Variants in EDRF1 observed in about 807,000 individuals in gnomAD.
The protein encoded by EDRF1 is erythroid differentiation regulatory factor 1.
In EDRF1, 69 loss-of-function variants were observed where a neutral mutation model predicts 148.7. The ratio of observed to expected loss-of-function variants is 0.46; its 90% CI spans 0.38 to 0.57. EDRF1 has a LOEUF of 0.57. Ranked by LOEUF, EDRF1 falls within the 20% of genes least tolerant of loss-of-function variation. The probability of loss-of-function intolerance (pLI) is 0.00; values close to 1 mark genes in which losing one functional copy is unlikely to be tolerated. For missense variants in EDRF1, 1,118 were observed against 1,478.7 expected, an observed-to-expected ratio of 0.76 and a Z score of 4.00; for synonymous variants, 515 against 532.8, an observed-to-expected ratio of 0.97 and a Z score of 0.46.
At chr10:125,756,176 C>T (rs1320177005) in intron 24 of EDRF1, among the ~76,000 whole-genome samples, 2 of 152,104 alleles carry the variant, frequency 1.3e-5, no homozygotes, top group Non-Finnish European at 2.9e-5. Flanking sequence ...TATTTGATAT[C>T]CTGAGACTTC....
chr10:125,745,024 A>G (rs1031700318), intron 18 of EDRF1: 3 of 153,846 alleles, frequency 1.9e-5, no homozygotes, highest in African/African-American at 7.2e-5. Context: ...AAGCACAGCA[A>G]TATTGTAACA....
rs565173559 is a variant in EDRF1 at position 125,723,886 on chromosome 10, C to G, written c.460C>G (p.Leu154Val). The change falls in exon 4 of 25, where the codon CTC (leucine) becomes GTC (valine). Residue 154 changes from leucine (L) to valine (V), a missense_variant. Around this residue, in one of 3 missense-constraint regions of EDRF1, gnomAD observed 99 missense variants for 186.9 expected, o/e 0.53. Transcript: ENST00000356792. Reference protein sequence around the residue: ...SMAVHRIGRTLLLDELDIQEL... With the variant: ...SMAVHRIGRTVLLDELDIQEL... ...GGCAGTACACCGCATAGGAAGGACT[C>G]TCTTACTAGATGAGCTAGATATTCA... 1.9e-6 allele frequency: 3 copies of G among 1,613,666 alleles called. No homozygotes were observed. The highest frequency in any genetic ancestry group is 2.7e-5 in the African/African-American group (2 of 75,006).
At chr10:125,762,468 G>A (rs1220419290) in intron 24 of EDRF1, among the ~76,000 whole-genome samples, 1 of 151,228 alleles carries the variant, frequency 6.6e-6, no homozygotes, top group African/African-American at 2.4e-5. Flanking sequence ...TGTGAGCCAG[G>A]GGTCTCCACC....
At chr10:125,749,225 G>A in intron 21 of EDRF1, 187 bp from the exon 22 acceptor site, 2 of 622,212 alleles carry the variant, frequency 3.2e-6, no homozygotes, top group Non-Finnish European at 2.8e-6. Context: ...TCCAGCCTGG[G>A]CGACAGAGCG....
Position 125,738,327 on chromosome 10 carries a change from A to G in EDRF1, c.1863A>G (p.Lys621=). The change falls in exon 15 of 25, where the codon AAA becomes AAG. Residue 621 remains lysine (K), a synonymous_variant. Coordinates refer to ENST00000356792, the MANE Select transcript of EDRF1 (RefSeq NM_001202438.2). ...GLKSVDSSIK[K]ESDLPAADPS... is the part of the protein sequence containing the mutation. Reference sequence around the variant, plus strand: ...AATCTGTCGATAGCAGCATCAAAAAAGAAAGCGACCTTCCAGCAGCTGACC... The same window carrying G: ...AATCTGTCGATAGCAGCATCAAAAAGGAAAGCGACCTTCCAGCAGCTGACC... 1 of 1,614,132 alleles carries G rather than the reference A, an allele frequency of 6.2e-7. No homozygotes were observed. Among genetic ancestry groups the G allele is most frequent in the South Asian group, 1.1e-5 (1 of 91,086 alleles).
chr10:125,734,261 C>G (rs912169779), intron 12 of EDRF1, 78 bp downstream of exon 12: 108 of 1,104,840 alleles, frequency 9.8e-5, no homozygotes, highest in Admixed American at 8.6e-5. Context: ...AGTAAAGCCT[C>G]CTGATTCATA....
At chr10:125,726,482 G>A (rs1337486511) in intron 6 of EDRF1, among the ~76,000 whole-genome samples, 1 of 152,052 alleles carries the variant, frequency 6.6e-6, no homozygotes, top group African/African-American at 2.4e-5. Flanking sequence ...ATCTATCAAA[G>A]AATAAAATAA....
At chr10:125,749,354 A>T in intron 21 of EDRF1, 58 bp from the exon 22 acceptor site, 1 of 1,604,138 alleles carries the variant, frequency 6.2e-7, no homozygotes, top group Non-Finnish European at 8.5e-7. Flanking sequence ...AGAAGCACTT[A>T]GTGAAGCCTG....
intron 15 of EDRF1, among the ~76,000 whole-genome samples, chr10:125,739,511 C>T (rs941284835): frequency 6.6e-6 from 1 of 152,206 alleles, no homozygotes; most frequent in Non-Finnish European, 1.5e-5. Context: ...TTTACACACA[C>T]ATGCACACAC....
In EDRF1 at chr10:125,737,951, G is replaced by C; in HGVS notation, c.1792G>C (p.Glu598Gln). 6.2e-7 allele frequency: 1 copy of C among 1,613,992 alleles called. No individual in the cohort carries two copies. The highest frequency in any genetic ancestry group is 8.5e-7 in the Non-Finnish European group (1 of 1,179,920). The change falls in exon 14 of 25, where the codon GAA becomes CAA. Residue 598 changes from glutamate to glutamine, a missense_variant. Physicochemically the swap from Glu to Gln is conservative, Grantham distance 29. Around this residue, in one of 3 missense-constraint regions of EDRF1, gnomAD observed 954 missense variants for 1,241.4 expected, o/e 0.77. Coordinates refer to ENST00000356792, the MANE Select transcript of EDRF1 (RefSeq NM_001202438.2). ...TGCATTTCCAGTTTGCCATGACACA[G>C]AAGAGCGCTGTAGACTTGTGCTTAG... ...SCAFPVCHDT[E>Q]ERCRLVLSYV... is the part of the protein sequence containing the mutation.
Position 125,738,082 on chromosome 10 carries a change from A to G in EDRF1, c.1830+93A>G. On this transcript the variant is annotated intron_variant, in intron 14 of 24. Coordinates refer to ENST00000356792, the MANE Select transcript of EDRF1 (RefSeq NM_001202438.2). ...TGTTGGTATCTAAATGTTATTCTGA[A>G]TTGTGTTCTGCTGCGATTTTTTTTT... is the stretch of plus-strand genomic sequence containing the variant. 2.1e-6 allele frequency: 3 copies of G among 1,414,356 alleles called. No individual in the cohort carries two copies. In the South Asian group the frequency reaches 3.5e-5, roughly 16 times the overall value. 87.6% of individuals were successfully genotyped at this position (1,414,356 alleles called of 1,614,324 possible). A position where few individuals can be genotyped will look rare whatever the true frequency, so the allele number is the denominator to read the frequency against.
intron 17 of EDRF1, chr10:125,742,423 C>T (rs1849075988): frequency 9.1e-7 from 1 of 1,104,090 alleles, no homozygotes; most frequent in Admixed American, 4.5e-5. Flanking sequence ...ATGTTTGCCT[C>T]CCAGAGTTTT....
rs1848992800 is a variant in EDRF1, at chr10:125,741,025, A to G, written c.2195A>G (p.Asn732Ser). ...GATACTTATTGCTGCCTCTGCACCA[A>G]TATGCTTTCCGAAGTGCTGTTGTTT... is the stretch of plus-strand genomic sequence containing the variant. ...SHDTYCCLCTNMLSEVLLFLS... is the reference protein window; with the variant it reads ...SHDTYCCLCTSMLSEVLLFLS... Residue 732 changes from asparagine (N) to serine (S), a missense_variant, in exon 17 of 25, where the codon AAT (asparagine) becomes AGT (serine). Transcript: ENST00000356792. 1.2e-6 allele frequency: 2 copies of G among 1,613,918 alleles called. No individual in the cohort carries two copies. Among genetic ancestry groups the G allele is most frequent in the African/African-American group, 1.3e-5 (1 of 74,886 alleles).
Position 125,733,542 on chromosome 10 carries a change from C to T in EDRF1, c.1267C>T (p.Leu423Phe). Residue 423 changes from leucine to phenylalanine, a missense_variant, in exon 10 of 25, where the codon CTC becomes TTC. Transcript: ENST00000356792. Reference sequence around the variant, plus strand: ...TACCAAAGAAGGACATACCTATTGGCTCTTTAAAGGTAAGCTATTAATACT... The same window carrying T: ...TACCAAAGAAGGACATACCTATTGGTTCTTTAAAGGTAAGCTATTAATACT... ...NCTKEGHTYW[L>F]FKASGSDIVK... The T allele has an allele frequency of 6.2e-7, 1 of 1,601,778 alleles. No homozygotes were observed. The highest frequency in any genetic ancestry group is 8.6e-7 in the Non-Finnish European group (1 of 1,169,044).
chr10:125,733,840 T>C (rs1218959833), intron 11 of EDRF1, 97 bp downstream of exon 11: 2 of 1,204,770 alleles, frequency 1.7e-6, no homozygotes, highest in African/African-American at 3.0e-5. Context: ...TTAAATGCTT[T>C]TAGGTTTTCA....
chr10:125,755,714 G>A (rs918955181), intron 24 of EDRF1, among the ~76,000 whole-genome samples: 12 of 152,140 alleles, frequency 7.9e-5, no homozygotes, highest in African/African-American at 2.7e-4. Context: ...TTGAATAAAC[G>A]AGGGTCCATC....
intron 6 of EDRF1, among the ~76,000 whole-genome samples, chr10:125,728,324 T>A (rs915574749): frequency 3.3e-5 from 5 of 152,218 alleles, no homozygotes; most frequent in Middle Eastern, 3.2e-3. Flanking sequence ...TTATTATATA[T>A]TTATTGTTTT....
chr10:125,721,519 CT>C, intron 2 of EDRF1, 107 bp downstream of exon 2: 2 of 1,060,976 alleles, frequency 1.9e-6, no homozygotes, highest in South Asian at 1.4e-5. Flanking sequence ...CGAGATTTCT[CT>C]TTAGAGAAAG....
Position 125,749,536 on chromosome 10 carries a change from G to C in EDRF1, c.3248G>C (p.Arg1083Thr). 1 of 1,614,136 alleles carries C rather than the reference G, an allele frequency of 6.2e-7. No individual in the cohort carries two copies. Among genetic ancestry groups the C allele is most frequent in the Non-Finnish European group, 8.5e-7 (1 of 1,180,028 alleles). ...PCELLRVQLERVAFAEFQMTS... is the reference protein window; with the variant it reads ...PCELLRVQLETVAFAEFQMTS... The stretch of plus-strand genomic sequence containing the variant: ...GAACTGCTTAGAGTACAGCTAGAGA[G>C]AGTAGCATTTGCTGAATTTCAGATG... The change falls in exon 22 of 25, where the codon AGA becomes ACA. Residue 1083 changes from arginine (R) to threonine (T), a missense_variant. Arg to Thr is a moderately conservative substitution (Grantham distance 71). Around this residue, in one of 3 missense-constraint regions of EDRF1, gnomAD observed 954 missense variants for 1,241.4 expected, o/e 0.77. Coordinates refer to ENST00000356792, the MANE Select transcript of EDRF1 (RefSeq NM_001202438.2).
Sources: allele counts gnomAD v4.1 joint callset (sites outside exome capture counted in the v4.1 genomes callset), GRCh38; gene constraint gnomAD v4.1.1; regional missense constraint gnomAD v4.1.1; transcripts MANE v1.5; gene names NCBI Gene and HGNC (gene_info 2026-07-23, HGNC 2026-07-21).